The following STEAP1B variants were observed in gnomAD, a reference collection of about 807,000 sequenced individuals.
The protein encoded by STEAP1B is STEAP family member 1B.
A neutral mutation model predicts 27.9 loss-of-function variants in STEAP1B; 13 were observed. The ratio of observed to expected loss-of-function variants is 0.47; its 90% CI spans 0.30 to 0.74. STEAP1B has a LOEUF of 0.74. STEAP1B is among the 30% of genes least tolerant of loss of function. STEAP1B has a pLI of 0.06. For synonymous variants in STEAP1B, 86 were observed against 107.1 expected, an observed-to-expected ratio of 0.80 and a Z score of 1.22; for missense variants, 250 against 298.7, an observed-to-expected ratio of 0.84 and a Z score of 1.20.
chr7:22,499,810 A>G (rs1328542950), intron 1 of STEAP1B, among the ~76,000 whole-genome samples: 1 of 152,228 alleles, frequency 6.6e-6, no homozygotes, highest in African/African-American at 2.4e-5. Context: ...ATCCAACCTG[A>G]GCACAAACTT....
At chr7:22,460,999 T>C (rs1440609922) in intron 4 of STEAP1B, among the ~76,000 whole-genome samples, 1 of 152,148 alleles carries the variant, frequency 6.6e-6, no homozygotes, top group African/African-American at 2.4e-5. Flanking sequence ...AGGCAATACA[T>C]TGATAAATGA....
Position 22,493,292 on chromosome 7 carries a change from T to TA in STEAP1B, c.597+31dup, listed in dbSNP as rs749259926. On this transcript the variant is annotated intron_variant, in intron 3 of 4. Coordinates refer to ENST00000678116, the MANE Select transcript of STEAP1B (RefSeq NM_001382447.1). The stretch of plus-strand genomic sequence containing the variant: ...AATTTGTTAGGTGACTTAGACTTTT[T>TA]ATTAGTAACAGTGACATCATTGTCA... 2.6e-6 allele frequency: 4 copies of TA among 1,566,896 alleles called. No homozygotes were observed. The East Asian group carries it at 9.0e-5, about 35-fold the overall frequency.
chr7:22,489,069 T>C (rs1035379327), intron 4 of STEAP1B, among the ~76,000 whole-genome samples: 1 of 152,122 alleles, frequency 6.6e-6, no homozygotes, highest in African/African-American at 2.4e-5. Flanking sequence ...CTGTTCAGAA[T>C]AGATTCAAAC....
intron 4 of STEAP1B, among the ~76,000 whole-genome samples, chr7:22,428,169 C>T (rs747306909): frequency 6.6e-6 from 1 of 152,204 alleles, no homozygotes; most frequent in Non-Finnish European, 1.5e-5. Flanking sequence ...CCTGAGAGAG[C>T]TGTCAGCCAC....
chr7:22,484,280 T>C (rs1024162864), intron 4 of STEAP1B, among the ~76,000 whole-genome samples: 7 of 152,188 alleles, frequency 4.6e-5, no homozygotes, highest in African/African-American at 1.4e-4. Flanking sequence ...TGATTCTTGT[T>C]AGGGGTTAAT....
intron 4 of STEAP1B, among the ~76,000 whole-genome samples, chr7:22,449,594 C>T (rs905154753): frequency 1.4e-4 from 22 of 152,178 alleles, no homozygotes; most frequent in Non-Finnish European, 7.4e-5. Context: ...AACAGTGCTT[C>T]AAAAAACATG....
intron 4 of STEAP1B, among the ~76,000 whole-genome samples, chr7:22,436,206 T>TA (rs1252874109): frequency 6.8e-6 from 1 of 146,598 alleles, no homozygotes; most frequent in South Asian, 2.2e-4. Flanking sequence ...CATACTTTTT[T>TA]AAAAAAATCA....
intron 4 of STEAP1B, among the ~76,000 whole-genome samples, chr7:22,471,504 C>T (rs150455003): frequency 6.6e-6 from 1 of 152,274 alleles, no homozygotes; most frequent in Non-Finnish European, 1.5e-5. Context: ...TTGTTTTTCA[C>T]CTACCAGATA....
intron 4 of STEAP1B, among the ~76,000 whole-genome samples, chr7:22,492,213 G>A (rs1786335396): frequency 6.6e-6 from 1 of 150,456 alleles, no homozygotes. Context: ...CAGCTACTCA[G>A]GAGGCTGAGG....
intron 4 of STEAP1B, among the ~76,000 whole-genome samples, chr7:22,422,212 G>T (rs1384663280): frequency 6.6e-6 from 1 of 152,186 alleles, no homozygotes; most frequent in African/African-American, 2.4e-5. Context: ...ATGTGCCTGG[G>T]CCTGTGCATG....
intron 4 of STEAP1B, among the ~76,000 whole-genome samples, chr7:22,459,108 G>A (rs1785636589): frequency 6.6e-6 from 1 of 152,188 alleles, no homozygotes. Context: ...CATGGAGGGT[G>A]GGGACTCCTG....
intron 4 of STEAP1B, among the ~76,000 whole-genome samples, chr7:22,482,635 T>C (rs998809601): frequency 4.6e-5 from 7 of 152,118 alleles, no homozygotes; most frequent in African/African-American, 9.7e-5. Context: ...CCCAGGCACA[T>C]AGGGGGAGGC....
intron 4 of STEAP1B, among the ~76,000 whole-genome samples, chr7:22,426,081 G>A (rs997718617): frequency 6.6e-6 from 1 of 152,180 alleles, no homozygotes; most frequent in Admixed American, 6.5e-5. Flanking sequence ...CCAGCCCAAT[G>A]TGGCCATCAA....
At chr7:22,457,044 A>G (rs1785600055) in intron 4 of STEAP1B, among the ~76,000 whole-genome samples, 1 of 147,224 alleles carries the variant, frequency 6.8e-6, no homozygotes, top group Non-Finnish European at 1.5e-5. Flanking sequence ...CTCTACAGCA[A>G]TGTGAAGCTG....
intron 4 of STEAP1B, among the ~76,000 whole-genome samples, chr7:22,439,436 T>A (rs1785299079): frequency 6.6e-6 from 1 of 152,164 alleles, no homozygotes; most frequent in Non-Finnish European, 1.5e-5. Flanking sequence ...TGAAGATTTT[T>A]TTTTTTTCAT....
chr7:22,429,497 T>C (rs1785151728), intron 4 of STEAP1B, among the ~76,000 whole-genome samples: 1 of 152,084 alleles, frequency 6.6e-6, no homozygotes, highest in African/African-American at 2.4e-5. Context: ...GAAGAGTGGG[T>C]ATTACTAAAC....
chr7:22,438,747 C>T (rs1357769575), intron 4 of STEAP1B: 2 of 1,551,180 alleles, frequency 1.3e-6, no homozygotes, highest in East Asian at 4.9e-5. Context: ...GGCTTCCAGT[C>T]AGTATAGCCT....
chr7:22,471,217 G>A (rs866415318), intron 4 of STEAP1B, among the ~76,000 whole-genome samples: 4 of 152,140 alleles, frequency 2.6e-5, no homozygotes, highest in African/African-American at 7.2e-5. Flanking sequence ...AAGGGAAAAC[G>A]AGCTCCCTAG....
At chr7:22,487,825 A>G (rs1388283733) in intron 4 of STEAP1B, among the ~76,000 whole-genome samples, 2 of 150,890 alleles carry the variant, frequency 1.3e-5, no homozygotes, top group African/African-American at 4.9e-5. Context: ...AAAAAAAAGA[A>G]AAAAGAAAAA....
Sources: gnomAD v4.1 joint callset for allele counts (sites outside exome capture counted in the v4.1 genomes callset) on GRCh38, gnomAD v4.1.1 for gene constraint, MANE v1.5 for transcripts, NCBI Gene and HGNC (gene_info 2026-07-23, HGNC 2026-07-21) for gene names.